The following ABLIM1 variants were observed in gnomAD, a reference collection of about 807,000 sequenced individuals.
ABLIM1 encodes actin-binding LIM protein 1.
Under a neutral mutation model 107.0 loss-of-function variants are expected in ABLIM1, and 40 were observed. That is an observed-to-expected ratio of 0.37 (90% CI 0.29 to 0.49). The LOEUF is 0.49. ABLIM1 is among the 20% of genes least tolerant of loss of function. The probability of loss-of-function intolerance (pLI) is 0.97; values close to 1 mark genes in which losing one functional copy is unlikely to be tolerated. For synonymous variants in ABLIM1, 357 were observed against 357.3 expected, an observed-to-expected ratio of 1.00 and a Z score of 0.01; for missense variants, 857 against 1,008.5, an observed-to-expected ratio of 0.85 and a Z score of 2.04.
intron 8 of ABLIM1, among the ~76,000 whole-genome samples, chr10:114,479,085 A>G (rs11196761): frequency 0.34 from 51,671 of 151,902 alleles, 9,232 homozygotes; most frequent in African/African-American, 0.44. Flanking sequence ...TTTCTTTTCC[A>G]TTCTCTTTTT....
At chr10:114,476,316 T>C (rs987303345) in intron 8 of ABLIM1, among the ~76,000 whole-genome samples, 2 of 152,094 alleles carry the variant, frequency 1.3e-5, no homozygotes, top group African/African-American at 4.8e-5. Flanking sequence ...TCTGAGTATG[T>C]TGAAAAAGGA....
At chr10:114,562,534 CCAAA>C (rs1050928687) in intron 4 of ABLIM1, among the ~76,000 whole-genome samples, 5 of 152,196 alleles carry the variant, frequency 3.3e-5, no homozygotes, top group South Asian at 4.2e-4. Context: ...ATCTCAAAAA[CCAAA>C]CAAACAAACA....
At chr10:114,534,154 A>G (rs1203896952) in intron 6 of ABLIM1, among the ~76,000 whole-genome samples, 1 of 152,140 alleles carries the variant, frequency 6.6e-6, no homozygotes, top group African/African-American at 2.4e-5. Context: ...TTTTATGTCT[A>G]TAGTGGTAAA....
chr10:114,541,949 C>T (rs2066716484), intron 6 of ABLIM1, among the ~76,000 whole-genome samples: 2 of 152,068 alleles, frequency 1.3e-5, no homozygotes, highest in South Asian at 4.1e-4. Context: ...CACACACACA[C>T]AGAGCCCTTT....
intron 8 of ABLIM1, among the ~76,000 whole-genome samples, chr10:114,480,847 C>CAA (rs1200945481): frequency 6.6e-6 from 1 of 151,854 alleles, no homozygotes; most frequent in Non-Finnish European, 1.5e-5. Context: ...TTACTTTCCA[C>CAA]ACACACACAC....
intron 1 of ABLIM1, among the ~76,000 whole-genome samples, chr10:114,642,643 A>T (rs2497690): frequency 0.019 from 2,913 of 152,280 alleles, 86 homozygotes; most frequent in African/African-American, 0.066. Context: ...AATACACAAG[A>T]ATACCTCTGA....
At chr10:114,637,034 T>A (rs2078514529) in intron 1 of ABLIM1, among the ~76,000 whole-genome samples, 1 of 82,780 alleles carries the variant, frequency 1.2e-5, no homozygotes, top group Non-Finnish European at 2.4e-5. Context: ...CGCTGTCTCT[T>A]TAAAAAAAAA....
intron 6 of ABLIM1, among the ~76,000 whole-genome samples, chr10:114,505,630 C>G (rs2135775610): frequency 6.6e-6 from 1 of 152,230 alleles, no homozygotes; most frequent in South Asian, 2.1e-4. Flanking sequence ...ATTCAGAAGC[C>G]AGGCTTTTTA....
At chr10:114,445,225 G>T (rs980053399) in intron 16 of ABLIM1, 87 bp downstream of exon 16, 36 of 1,235,074 alleles carry the variant, frequency 2.9e-5, no homozygotes, top group African/African-American at 2.7e-4. Context: ...TGCCTATCTA[G>T]ATGGTTTATA....
the ABLIM1 span, among the ~76,000 whole-genome samples, chr10:114,797,461 T>C: frequency 6.6e-6 from 1 of 152,220 alleles, no homozygotes; most frequent in Non-Finnish European, 1.5e-5. Context: ...ACAGTCAATG[T>C]TTCCCTAGGT....
At chr10:114,469,945 TTC>T (rs1434861418) in intron 10 of ABLIM1, among the ~76,000 whole-genome samples, 2 of 152,188 alleles carry the variant, frequency 1.3e-5, no homozygotes, top group Non-Finnish European at 2.9e-5. Flanking sequence ...ACTGTCTGTA[TTC>T]TAAGCCTTCA....
rs1283028306 is a variant in ABLIM1 at position 114,624,908 on chromosome 10, A to C, written c.245-22947T>G. Among the ~76,000 whole-genome samples, 3 of 152,084 alleles carry C rather than the reference A, an allele frequency of 2.0e-5. No homozygotes were observed. In the East Asian group the frequency reaches 5.8e-4, roughly 29 times the overall value. ...CTTTCATTTATAAAATAGTACAAGC[A>C]ATTCACACTTGGGTTGCTTTCTCTC... is the stretch of plus-strand genomic sequence containing the variant. On this transcript the variant is annotated intron_variant, in intron 1 of 22. Coordinates refer to ENST00000533213, the MANE Select transcript of ABLIM1 (RefSeq NM_002313.7).
intron 2 of ABLIM1, among the ~76,000 whole-genome samples, chr10:114,578,087 T>C (rs961307893): frequency 1.3e-5 from 2 of 152,134 alleles, no homozygotes; most frequent in African/African-American, 4.8e-5. Flanking sequence ...CTCCTCCCTC[T>C]ATGATGTAAG....
At chr10:114,573,652 G>C (rs2483568) in intron 3 of ABLIM1, among the ~76,000 whole-genome samples, 42,407 of 152,066 alleles carry the variant, frequency 0.28, 7,391 homozygotes, top group African/African-American at 0.49. Context: ...AAATAGGCTA[G>C]AAATTGATCT....
At chr10:114,581,353 A>G (rs2073352062) in intron 2 of ABLIM1, among the ~76,000 whole-genome samples, 1 of 152,232 alleles carries the variant, frequency 6.6e-6, no homozygotes, top group Non-Finnish European at 1.5e-5. Flanking sequence ...TAAAAACGGT[A>G]GTAACATTTT....
chr10:114,701,724 G>A (rs942710402), intron 1 of ABLIM1, among the ~76,000 whole-genome samples: 8 of 152,148 alleles, frequency 5.3e-5, no homozygotes, highest in Admixed American at 5.2e-4. Flanking sequence ...AATCTAATTA[G>A]GACCTTGATT....
rs1589612391 is a variant in ABLIM1, at chr10:114,435,380, A to G, written c.*880T>C. The G allele has an allele frequency of 6.6e-6, 1 of 152,206 alleles. No individual in the cohort carries two copies. Among genetic ancestry groups the G allele is most frequent in the African/African-American group, 2.4e-5 (1 of 41,524 alleles). The allele number at this position is 152,206 out of a possible 1,614,324, so 9.4% of individuals were successfully genotyped here. Reference sequence around the variant, plus strand: ...TGCTTTTTGGTTTTTTTTGGCCATGAATGATATGGCCCCTATGCAAAATCA... The same window carrying G: ...TGCTTTTTGGTTTTTTTTGGCCATGGATGATATGGCCCCTATGCAAAATCA... On this transcript the variant is annotated 3_prime_UTR_variant, in exon 23 of 23. Transcript: ENST00000533213.
chr10:114,651,573 G>A lies in ABLIM1; in HGVS notation c.244+6384C>T, dbSNP rs560336797. On this transcript the variant is annotated intron_variant, in intron 1 of 22. Coordinates refer to ENST00000533213, the MANE Select transcript of ABLIM1 (RefSeq NM_002313.7). ...GGTGTTTGGGGGTTAAGAGTGGGAC[G>A]TGATAGAAAGGCTTAACCGTCAAGA... 3.3e-5 allele frequency among the ~76,000 whole-genome samples: 5 copies of A among 152,204 alleles called. No homozygotes were observed. In the South Asian group the frequency reaches 6.2e-4, roughly 19 times the overall value.
intron 6 of ABLIM1, among the ~76,000 whole-genome samples, chr10:114,532,058 G>A (rs902137573): frequency 6.6e-6 from 1 of 152,148 alleles, no homozygotes; most frequent in African/African-American, 2.4e-5. Context: ...CAAGTGATCT[G>A]CTCACTTTGG....
Sources: allele counts gnomAD v4.1 joint callset (sites outside exome capture counted in the v4.1 genomes callset), GRCh38; gene constraint gnomAD v4.1.1; transcripts MANE v1.5; gene names NCBI Gene and HGNC (gene_info 2026-07-23, HGNC 2026-07-21).